The following EOLA1 variants were observed in gnomAD, a reference collection of about 807,000 sequenced individuals.
EOLA1 encodes the protein protein EOLA1.
In EOLA1, 1 loss-of-function variant was observed where a neutral mutation model predicts 4.5. The ratio of observed to expected loss-of-function variants is 0.22; its 90% CI spans 0.08 to 1.05. The LOEUF is 1.05. Ranked by LOEUF, EOLA1 falls within the 50% of genes least tolerant of loss-of-function variation. The pLI, the probability that EOLA1 is intolerant of heterozygous loss-of-function variation, is 0.57. For synonymous variants in EOLA1, 37 were observed against 52.3 expected, an observed-to-expected ratio of 0.71 and a Z score of 1.26; for missense variants, 69 against 127.2, an observed-to-expected ratio of 0.54 and a Z score of 2.20.
intron 2 of EOLA1, chrX:149,544,530 A>C (rs1470692742): frequency 1.3e-6 from 1 of 750,543 alleles, no homozygotes; most frequent in Non-Finnish European, 1.6e-6. Context: ...ATTAGGTGCC[A>C]CGTACTGGGC....
At chrX:149,542,494 G>T (rs1345839822) in intron 2 of EOLA1, among the ~76,000 whole-genome samples, 1 of 110,457 alleles carries the variant, frequency 9.1e-6, no homozygotes, top group Non-Finnish European at 1.9e-5. Context: ...GGCGGCCGAG[G>T]CATTTCCTTC....
chrX:149,543,872 C>G lies in EOLA1; in HGVS notation c.-162-1496C>G, dbSNP rs1357865548. Among the ~76,000 whole-genome samples the G allele has an allele frequency of 2.2e-4, 19 of 84,581 alleles. 1 individual carries two copies. Among genetic ancestry groups the G allele is most frequent in the African/African-American group, 8.5e-4 (18 of 21,217 alleles). 73.4% of individuals were successfully genotyped at this position (84,581 alleles called of 115,157 possible). A position where few individuals can be genotyped will look rare whatever the true frequency, so the allele number is the denominator to read the frequency against. ...GTCCCAGAAGGAGGGAAGGAGTGTG[C>G]CCAGCCATGCTGGGGCTGCTGAGCA... is the stretch of plus-strand genomic sequence containing the variant. On this transcript the variant is annotated intron_variant, in intron 2 of 4. Coordinates refer to ENST00000393985, the MANE Select transcript of EOLA1 (RefSeq NM_001171907.3).
intron 2 of EOLA1, chrX:149,544,767 C>T (rs1390312447): frequency 1.3e-6 from 1 of 745,120 alleles, no homozygotes; most frequent in Non-Finnish European, 1.6e-6. Context: ...GCTGGTGCCT[C>T]ATTCTCCTCA....
rs2089724148 is a variant in EOLA1 at position 149,541,352 on chromosome X, G to A, written c.-230+9G>A. On this transcript the variant is annotated intron_variant, in intron 1 of 4. Coordinates refer to ENST00000393985, the MANE Select transcript of EOLA1 (RefSeq NM_001171907.3). ...CAGCCTTCTTGCGGACGGTACCTGA[G>A]GGCTGGGGTTTCCCTGGATGTGGGG... The A allele has an allele frequency of 8.8e-6, 1 of 114,134 alleles. No homozygotes were observed. The highest frequency in any genetic ancestry group is 3.2e-5 in the African/African-American group (1 of 31,090). 9.4% of individuals were successfully genotyped at this position (114,134 alleles called of 1,213,427 possible).
rs1569560770 is a variant in EOLA1 at position 149,545,329 on chromosome X, G to C, written c.-162-39G>C. 2.8e-5 allele frequency: 28 copies of C among 1,011,091 alleles called. No individual in the cohort carries two copies. The South Asian group carries it at 6.8e-4, about 25-fold the overall frequency. The allele number at this position is 1,011,091 out of a possible 1,213,427, so 83.3% of individuals were successfully genotyped here. A position where few individuals can be genotyped will look rare whatever the true frequency, so the allele number is the denominator to read the frequency against. ...CTAGGGCTCGGTGACCTCTGTCATAGCACTGACCACATGGTATCCTGCCTG... is the reference window on the plus strand; with the variant it reads ...CTAGGGCTCGGTGACCTCTGTCATACCACTGACCACATGGTATCCTGCCTG... On this transcript the variant is annotated intron_variant, in intron 2 of 4. Transcript: ENST00000393985.
In EOLA1 at chrX:149,546,072, G is replaced by A. The variant is rs138755372; in HGVS notation, c.253+189G>A. ...GGGTTGGTATGGCTGGCTTCCACGA[G>A]TTCTGGTAAATCATTTCTCCACTCT... On this transcript the variant is annotated intron_variant, in intron 4 of 4. Transcript: ENST00000393985. 9.0e-3 allele frequency among the ~76,000 whole-genome samples: 986 copies of A among 110,023 alleles called. 13 individuals are homozygous for A. The highest frequency in any genetic ancestry group is 0.03 in the African/African-American group (922 of 30,414).
At chrX:149,542,494 G>C (rs1345839822) in intron 2 of EOLA1, among the ~76,000 whole-genome samples, 1 of 110,406 alleles carries the variant, frequency 9.1e-6, no homozygotes, top group African/African-American at 3.3e-5. Context: ...GGCGGCCGAG[G>C]CATTTCCTTC....
chrX:149,547,102 A>G lies in EOLA1; in HGVS notation c.*140A>G, dbSNP rs1345551353. ...CTTTGGAGAGTCCCACCCACTAAGCACTGTGCATGTAAACAGGTTCCTTTG... is the reference window on the plus strand; with the variant it reads ...CTTTGGAGAGTCCCACCCACTAAGCGCTGTGCATGTAAACAGGTTCCTTTG... On this transcript the variant is annotated 3_prime_UTR_variant, in exon 5 of 5. Transcript: ENST00000393985. 13 of 1,097,918 alleles carry G rather than the reference A, an allele frequency of 1.2e-5. No homozygotes were observed. In the African/African-American group the frequency reaches 2.4e-4, roughly 21 times the overall value. 90.5% of individuals were successfully genotyped at this position (1,097,918 alleles called of 1,213,427 possible).
intron 2 of EOLA1, chrX:149,544,855 C>T: frequency 1.3e-6 from 1 of 753,892 alleles, no homozygotes; most frequent in Non-Finnish European, 1.6e-6. Context: ...GAGGATCATG[C>T]CATCCCAGAG....
At chrX:149,548,757 A>G, downstream of EOLA1, 1 of 338,405 alleles carries the variant, frequency 3.0e-6, no homozygotes, top group Non-Finnish European at 4.4e-6. Context: ...TTGATGTGAT[A>G]GATACGTAGG....
intron 2 of EOLA1, among the ~76,000 whole-genome samples, chrX:149,543,716 G>A (rs1167861468): frequency 1.1e-5 from 1 of 89,567 alleles, no homozygotes; most frequent in Non-Finnish European, 2.3e-5. Context: ...ACTCACAGAG[G>A]TGGAAGGGAG....
At chrX:149,544,654 G>A (rs1168196191) in intron 2 of EOLA1, 1 of 751,442 alleles carries the variant, frequency 1.3e-6, no homozygotes, top group Non-Finnish European at 1.6e-6. Flanking sequence ...TCCTTCCAAG[G>A]CACAGGGCCG....
At chrX:149,544,543 G>T in intron 2 of EOLA1, 1 of 751,457 alleles carries the variant, frequency 1.3e-6, no homozygotes, top group Non-Finnish European at 1.6e-6. Context: ...TACTGGGCTG[G>T]GTGCTCTTGG....
chrX:149,546,084 C>T (rs184135902), intron 4 of EOLA1, among the ~76,000 whole-genome samples: 2 of 110,171 alleles, frequency 1.8e-5, no homozygotes, highest in Admixed American at 1.9e-4. Context: ...TCTGGTAAAT[C>T]ATTTCTCCAC....
At chrX:149,544,487 G>C (rs1315424936) in intron 2 of EOLA1, 2 of 748,582 alleles carry the variant, frequency 2.7e-6, no homozygotes, top group African/African-American at 4.7e-5. Flanking sequence ...ACGGGCCTGA[G>C]GGGTGAGGGC....
downstream of EOLA1, chrX:149,548,464 G>C: frequency 1.1e-6 from 1 of 933,202 alleles, no homozygotes; most frequent in East Asian, 4.2e-5. Context: ...CATAGTAACA[G>C]ATATTGTACA....
Position 149,545,461 on chromosome X carries a change from G to A in EOLA1, c.-69G>A. 1 of 1,099,933 alleles carries A rather than the reference G, an allele frequency of 9.1e-7. No individual in the cohort carries two copies. The highest frequency in any genetic ancestry group is 2.3e-5 in the South Asian group (1 of 43,115). 90.6% of individuals were successfully genotyped at this position (1,099,933 alleles called of 1,213,427 possible). ...CCCCTTCCCTTGGGCCTGCTGTGGT[G>A]CTGGACATCAGTGACAGACGGAAGC... is the stretch of plus-strand genomic sequence containing the variant. On this transcript the variant is annotated 5_prime_UTR_variant, in exon 3 of 5. Coordinates refer to ENST00000393985, the MANE Select transcript of EOLA1 (RefSeq NM_001171907.3).
chrX:149,547,029 A>G lies in EOLA1; in HGVS notation c.*67A>G, dbSNP rs1325378801. 1.1e-5 allele frequency: 13 copies of G among 1,199,571 alleles called. No homozygotes were observed. The highest frequency in any genetic ancestry group is 4.5e-6 in the Non-Finnish European group (4 of 889,459). ...TAAATCATGACACCTTCAATTTGCC[A>G]TCATGACGCAGACCTGTATACATTA... On this transcript the variant is annotated 3_prime_UTR_variant, in exon 5 of 5. Coordinates refer to ENST00000393985, the MANE Select transcript of EOLA1 (RefSeq NM_001171907.3).
upstream of EOLA1, chrX:149,540,749 T>A (rs1195092360): frequency 3.6e-5 from 4 of 111,369 alleles, 1 homozygote; most frequent in Non-Finnish European, 7.5e-5. Context: ...AGGCTGCCGG[T>A]CTCGAGGTCC....
Sources: allele counts gnomAD v4.1 joint callset (sites outside exome capture counted in the v4.1 genomes callset), GRCh38; gene constraint gnomAD v4.1.1; transcripts MANE v1.5; gene names NCBI Gene and HGNC (gene_info 2026-07-23, HGNC 2026-07-21).